Variants in C2orf78 observed in about 807,000 individuals in gnomAD.
C2orf78 encodes the protein chromosome 2 open reading frame 78.
C2orf78 carries 12 observed loss-of-function variants against 21.4 expected under a neutral mutation model. The observed-to-expected ratio is 0.56, with a 90% confidence interval of 0.36 to 0.91. The LOEUF (loss-of-function observed/expected upper bound fraction) is 0.91, where lower values mean the gene tolerates loss of function less well. Ranked by LOEUF, C2orf78 falls within the 40% of genes least tolerant of loss-of-function variation. The probability of loss-of-function intolerance (pLI) is 0.01; values close to 1 mark genes in which losing one functional copy is unlikely to be tolerated. For synonymous variants in C2orf78, 396 were observed against 413.9 expected (o/e 0.96, Z 0.52); for missense variants, 1,042 against 1,092.4 (o/e 0.95, Z 0.65).
exon 3 of C2orf78, chr2:73,816,914 C>T: frequency 3.1e-6 from 5 of 1,613,252 alleles, no homozygotes; most frequent in Non-Finnish European, 3.4e-6. Flanking sequence ...CCAAATACAC[C>T]TCTTTGGGGA....
intron 1 of C2orf78, among the ~76,000 whole-genome samples, chr2:73,812,540 C>T (rs962666315): frequency 6.6e-6 from 1 of 152,070 alleles, no homozygotes; most frequent in East Asian, 1.9e-4. Context: ...GTGGCTCACA[C>T]CTGTAATCCC....
chr2:73,811,884 C>T (rs1195510942), intron 1 of C2orf78, among the ~76,000 whole-genome samples: 1 of 152,060 alleles, frequency 6.6e-6, no homozygotes, highest in Non-Finnish European at 1.5e-5. Flanking sequence ...CTGTCATTTG[C>T]TGGGTAATAT....
exon 3 of C2orf78, chr2:73,815,267 G>T: frequency 6.2e-7 from 1 of 1,613,930 alleles, no homozygotes; most frequent in South Asian, 1.1e-5. Context: ...TCTTGACACT[G>T]TCTCCAGCTC....
intron 1 of C2orf78, among the ~76,000 whole-genome samples, chr2:73,810,620 A>G (rs1343531616): frequency 7.3e-6 from 1 of 136,988 alleles, no homozygotes; most frequent in Non-Finnish European, 1.5e-5. Context: ...TTTTATATAT[A>G]TACATAATAT....
chr2:73,815,075 G>A, exon 3 of C2orf78: 1 of 1,608,760 alleles, frequency 6.2e-7, no homozygotes, highest in Non-Finnish European at 8.5e-7. Context: ...TTGTAGTGAT[G>A]GAAACTTCCC....
chr2:73,812,799 AG>A (rs1016771106), intron 1 of C2orf78, among the ~76,000 whole-genome samples: 2 of 152,184 alleles, frequency 1.3e-5, no homozygotes, highest in African/African-American at 4.8e-5. Context: ...AGGCTTGAAG[AG>A]GGCAAAGAAT....
At position 73,815,888 on chromosome 2, in the gene C2orf78, C is replaced by T. The variant is rs1447450264; in HGVS notation, c.1665C>T (p.His555=). 3.1e-6 allele frequency: 5 copies of T among 1,613,450 alleles called. No homozygotes were observed. The Admixed American group carries it at 8.3e-5, about 27-fold the overall frequency. Residue 555 remains histidine, a synonymous_variant, in exon 3 of 3, where the codon CAC becomes CAT. Transcript: ENST00000409561. ...CCAAGCATTCTAGCAACAAACCTCA[C>T]AAGGCTGCATCCAGCAGGATCAGCA...
chr2:73,816,262 A>T, exon 3 of C2orf78: 1 of 1,613,928 alleles, frequency 6.2e-7, no homozygotes, highest in Non-Finnish European at 8.5e-7. Context: ...ATCCAACATG[A>T]GGGTAAAGGC....
chr2:73,807,684 C>T (rs1343820952), intron 1 of C2orf78, among the ~76,000 whole-genome samples: 1 of 102,250 alleles, frequency 9.8e-6, no homozygotes, highest in African/African-American at 4.3e-5. Flanking sequence ...AAAGAAGACT[C>T]CTGCTCTGGA....
intron 1 of C2orf78, among the ~76,000 whole-genome samples, chr2:73,807,968 C>T (rs1413367363): frequency 6.6e-6 from 1 of 151,032 alleles, no homozygotes; most frequent in Non-Finnish European, 1.5e-5. Flanking sequence ...TTAAAATCGG[C>T]AGTAGGGCCG....
At chr2:73,810,426 C>T (rs1673055373) in intron 1 of C2orf78, among the ~76,000 whole-genome samples, 1 of 151,414 alleles carries the variant, frequency 6.6e-6, no homozygotes, top group Admixed American at 6.6e-5. Flanking sequence ...ACTTGGGAGG[C>T]TGAGGCAGGA....
chr2:73,815,630 C>T, exon 3 of C2orf78: 3 of 1,613,948 alleles, frequency 1.9e-6, no homozygotes, highest in Non-Finnish European at 2.5e-6. Context: ...CTGAAAGTCC[C>T]TCAGCAAAGA....
exon 2 of C2orf78, chr2:73,813,520 G>A (rs1673129390): frequency 6.2e-7 from 1 of 1,611,968 alleles, no homozygotes; most frequent in Admixed American, 1.7e-5. Flanking sequence ...CAAATTCTCG[G>A]CAGTTCTCTC....
chr2:73,813,419 A>G (rs1358120167), intron 1 of C2orf78, 58 bp from the exon 2 acceptor site: 1 of 1,461,774 alleles, frequency 6.8e-7, no homozygotes, highest in Admixed American at 2.4e-5. Context: ...TAGTCTTCCA[A>G]TAAGGTGAGA....
At chr2:73,785,305 CAAACAAACAAA>C (rs1383314062) in intron 1 of C2orf78, among the ~76,000 whole-genome samples, 1 of 125,238 alleles carries the variant, frequency 8.0e-6, no homozygotes, top group African/African-American at 3.5e-5. Context: ...AACAAACAAA[CAAACAAACAAA>C]AAAGAAAAGT....
intron 1 of C2orf78, among the ~76,000 whole-genome samples, chr2:73,785,769 A>G (rs71418704): frequency 0.021 from 3,128 of 151,996 alleles, 144 homozygotes; most frequent in African/African-American, 0.071. Flanking sequence ...TTTAGAGGCC[A>G]GGCTCGGTGG....
At chr2:73,815,431 A>T (rs774105633) in exon 3 of C2orf78, 1 of 1,613,858 alleles carries the variant, frequency 6.2e-7, no homozygotes, top group Non-Finnish European at 8.5e-7. Flanking sequence ...GCCTGCATTG[A>T]TCCTCTTGGC....
At chr2:73,816,936 T>C in exon 3 of C2orf78, 1 of 1,612,254 alleles carries the variant, frequency 6.2e-7, no homozygotes. Flanking sequence ...AGTGCAGTTT[T>C]TCATTGAAAG....
exon 3 of C2orf78, chr2:73,816,119 G>A: frequency 6.2e-7 from 1 of 1,613,960 alleles, no homozygotes; most frequent in Non-Finnish European, 8.5e-7. Flanking sequence ...ACATGCTAGA[G>A]TCCGTGCAAG....
Sources: gnomAD v4.1 joint callset for allele counts (sites outside exome capture counted in the v4.1 genomes callset) on GRCh38, gnomAD v4.1.1 for gene constraint, MANE v1.5 for transcripts, NCBI Gene and HGNC (gene_info 2026-07-23, HGNC 2026-07-21) for gene names.